Variants in FRAS1 observed in about 807,000 individuals in gnomAD.
FRAS1 encodes Fraser extracellular matrix complex subunit 1.
FRAS1 carries 290 observed loss-of-function variants against 435.2 expected under a neutral mutation model. That is an observed-to-expected ratio of 0.67 (90% confidence interval 0.61 to 0.73). The LOEUF is 0.73. Among genes scored for constraint, FRAS1 ranks in the 30% least tolerant of loss-of-function variants. The probability of loss-of-function intolerance (pLI) is 0.00; values close to 1 mark genes in which losing one functional copy is unlikely to be tolerated. For missense variants in FRAS1, 4,860 were observed against 5,001.5 expected, an observed-to-expected ratio of 0.97 and a Z score of 0.85; for synonymous variants, 1,800 against 1,851.0, an observed-to-expected ratio of 0.97 and a Z score of 0.71.
chr4:78,281,250 T>A, intron 10 of FRAS1, 148 bp from the exon 11 acceptor site: 1 of 585,212 alleles, frequency 1.7e-6, no homozygotes, highest in Non-Finnish European at 3.0e-6. Context: ...TTCTTGTTTT[T>A]TATAAGATAG....
intron 9 of FRAS1, among the ~76,000 whole-genome samples, chr4:78,275,491 C>T (rs897814596): frequency 2.0e-5 from 3 of 152,148 alleles, no homozygotes; most frequent in Admixed American, 1.3e-4. Context: ...CCTTCAGGAG[C>T]TCTTTTAGGG....
At chr4:78,354,147 G>A (rs1359005574) in intron 20 of FRAS1, among the ~76,000 whole-genome samples, 2 of 151,550 alleles carry the variant, frequency 1.3e-5, no homozygotes, top group African/African-American at 4.8e-5. Flanking sequence ...ACTGCCACTC[G>A]CCACCTCCCC....
chr4:78,116,346 T>C (rs55794249), intron 2 of FRAS1, among the ~76,000 whole-genome samples: 35,025 of 151,996 alleles, frequency 0.23, 4,271 homozygotes, highest in African/African-American at 0.32. Context: ...TCTATTAGGT[T>C]GCCTTGGTGC....
chr4:78,288,155 T>A (rs1369002426), intron 14 of FRAS1, among the ~76,000 whole-genome samples: 1 of 152,228 alleles, frequency 6.6e-6, no homozygotes, highest in African/African-American at 2.4e-5. Context: ...AGTTTACCTG[T>A]TACTTTAAAA....
chr4:78,202,213 A>T (rs1488495673), intron 2 of FRAS1, among the ~76,000 whole-genome samples: 1 of 152,148 alleles, frequency 6.6e-6, no homozygotes, highest in Non-Finnish European at 1.5e-5. Flanking sequence ...ATATTTATAG[A>T]TGAGAAAATG....
At position 78,100,297 on chromosome 4, in the gene FRAS1, C is replaced by A. The variant is rs79182179; in HGVS notation, c.108+34281C>A. ...AGGGTACTCCAGGGATTCTTCAGGG[C>A]ACAGTTTAAAACCTTAGTTAGAAAA... On this transcript the variant is annotated intron_variant, in intron 2 of 73. Coordinates refer to ENST00000512123, the MANE Select transcript of FRAS1 (RefSeq NM_025074.7). Among the ~76,000 whole-genome samples, 606 of 152,314 alleles carry A rather than the reference C, an allele frequency of 4.0e-3. 4 individuals are homozygous for A. Among genetic ancestry groups the A allele is most frequent in the African/African-American group, 0.014 (576 of 41,576 alleles).
intron 1 of FRAS1, among the ~76,000 whole-genome samples, chr4:78,059,905 C>CGGGGGT (rs1218597596): frequency 9.8e-6 from 1 of 102,314 alleles, no homozygotes. Flanking sequence ...GGGGCGGGGG[C>CGGGGGT]GGAGAGAGGG....
At chr4:78,411,134 A>G (rs1733319624) in intron 31 of FRAS1, among the ~76,000 whole-genome samples, 1 of 146,256 alleles carries the variant, frequency 6.8e-6, no homozygotes, top group Admixed American at 6.9e-5. Flanking sequence ...TTTCTGAGAC[A>G]GAGTTTCACT....
At chr4:78,078,729 G>T (rs991941754) in intron 2 of FRAS1, among the ~76,000 whole-genome samples, 1 of 151,998 alleles carries the variant, frequency 6.6e-6, no homozygotes, top group African/African-American at 2.4e-5. Flanking sequence ...CCAAATGTTA[G>T]GAATTAAAGT....
chr4:78,096,853 A>G (rs1741839176), intron 2 of FRAS1, among the ~76,000 whole-genome samples: 1 of 152,176 alleles, frequency 6.6e-6, no homozygotes, highest in African/African-American at 2.4e-5. Flanking sequence ...CATCTTCCCC[A>G]TTGCCTTGGG....
intron 18 of FRAS1, among the ~76,000 whole-genome samples, chr4:78,328,718 T>C (rs1017092883): frequency 6.6e-6 from 1 of 152,178 alleles, no homozygotes; most frequent in African/African-American, 2.4e-5. Flanking sequence ...TTTGGGAAGA[T>C]TGTGTTAACT....
chr4:78,444,229 G>C (rs967763032), intron 41 of FRAS1: 10 of 448,886 alleles, frequency 2.2e-5, no homozygotes, highest in Non-Finnish European at 4.5e-5. Flanking sequence ...TAAGAAAAAA[G>C]TAAAAATTGG....
intron 2 of FRAS1, among the ~76,000 whole-genome samples, chr4:78,166,885 G>T (rs1262581527): frequency 2.0e-5 from 3 of 152,126 alleles, no homozygotes; most frequent in Non-Finnish European, 4.4e-5. Context: ...TGGCAGACTG[G>T]TTTGGCCACA....
chr4:78,203,265 C>T (rs1244633192), intron 2 of FRAS1, among the ~76,000 whole-genome samples: 1 of 152,054 alleles, frequency 6.6e-6, no homozygotes, highest in Non-Finnish European at 1.5e-5. Flanking sequence ...GATCTGGGAG[C>T]CCTCTCAATG....
chr4:78,479,936 T>C (rs1719961829), intron 56 of FRAS1, among the ~76,000 whole-genome samples: 1 of 152,210 alleles, frequency 6.6e-6, no homozygotes, highest in South Asian at 2.1e-4. Context: ...TTTGTTTTAG[T>C]AAATTTTTGT....
At chr4:78,393,186 T>C (rs1399137150) in intron 29 of FRAS1, among the ~76,000 whole-genome samples, 1 of 152,050 alleles carries the variant, frequency 6.6e-6, no homozygotes, top group Non-Finnish European at 1.5e-5. Context: ...CCTGCTTTGT[T>C]TACTAATTTT....
intron 2 of FRAS1, among the ~76,000 whole-genome samples, chr4:78,103,641 G>A (rs1742243315): frequency 6.6e-6 from 1 of 152,162 alleles, no homozygotes; most frequent in East Asian, 1.9e-4. Flanking sequence ...CGAGGGAAGA[G>A]CCCTCATGAT....
intron 4 of FRAS1, among the ~76,000 whole-genome samples, chr4:78,249,622 C>G (rs2095820479): frequency 6.6e-6 from 1 of 152,088 alleles, no homozygotes; most frequent in Non-Finnish European, 1.5e-5. Flanking sequence ...CGTTGTCCAG[C>G]CTGAATGTTT....
In FRAS1 at chr4:78,479,558, C is replaced by T. The variant is rs374258390; in HGVS notation, c.8283C>T (p.Ser2761=). The T allele has an allele frequency of 8.1e-6, 13 of 1,613,744 alleles. No individual in the cohort carries two copies. The highest frequency in any genetic ancestry group is 2.7e-5 in the African/African-American group (2 of 74,882). ...STCDVMLIDD[S]EYEEEEEFEI... is the part of the protein sequence containing the mutation. ...GTGATGTCATGCTTATTGATGACAG[C>T]GAGTATGAAGAGGAAGAAGAGTTTG... Residue 2761 remains serine, a synonymous_variant, in exon 56 of 74, where the codon AGC becomes AGT. Coordinates refer to ENST00000512123, the MANE Select transcript of FRAS1 (RefSeq NM_025074.7).
Sources: gnomAD v4.1 joint callset for allele counts (sites outside exome capture counted in the v4.1 genomes callset) on GRCh38, gnomAD v4.1.1 for gene constraint, MANE v1.5 for transcripts, NCBI Gene and HGNC (gene_info 2026-07-23, HGNC 2026-07-21) for gene names.